The following ENTREP2 variants were observed in gnomAD, a reference collection of about 807,000 sequenced individuals.
The protein encoded by ENTREP2 is protein ENTREP2.
At chr15:29,493,819 A>C in the ENTREP2 span, among the ~76,000 whole-genome samples, 1 of 151,950 alleles carries the variant, frequency 6.6e-6, no homozygotes, top group Non-Finnish European at 1.5e-5. Flanking sequence ...TCTACTAAAA[A>C]TACAAAAAAT....
chr15:29,528,198 G>T, the ENTREP2 span, among the ~76,000 whole-genome samples: 1 of 152,048 alleles, frequency 6.6e-6, no homozygotes, highest in South Asian at 2.1e-4. Context: ...TCATCTGACG[G>T]GGTCAGATCC....
At chr15:29,144,899 AT>A in the ENTREP2 span, among the ~76,000 whole-genome samples, 1 of 152,012 alleles carries the variant, frequency 6.6e-6, no homozygotes, top group African/African-American at 2.4e-5. Flanking sequence ...AAATAAAAAA[AT>A]AAAAAATTAG....
At chr15:29,484,307 A>C in the ENTREP2 span, among the ~76,000 whole-genome samples, 1 of 152,104 alleles carries the variant, frequency 6.6e-6, no homozygotes, top group African/African-American at 2.4e-5. Flanking sequence ...GGTCCCTTTC[A>C]AGATCTTCAA....
the ENTREP2 span, among the ~76,000 whole-genome samples, chr15:29,527,040 G>A: frequency 1.3e-5 from 2 of 152,022 alleles, no homozygotes; most frequent in Non-Finnish European, 2.9e-5. Context: ...GATATTTTCT[G>A]CTTTCAACAT....
the ENTREP2 span, among the ~76,000 whole-genome samples, chr15:29,538,728 G>A: frequency 6.0e-5 from 9 of 150,810 alleles, no homozygotes; most frequent in Non-Finnish European, 8.8e-5. Context: ...AGAATGGTGT[G>A]AACCTGGGAG....
At chr15:29,480,049 T>G in the ENTREP2 span, among the ~76,000 whole-genome samples, 1 of 152,120 alleles carries the variant, frequency 6.6e-6, no homozygotes, top group Admixed American at 6.5e-5. Context: ...CTACGCAAAT[T>G]TGGGCTGCAC....
chr15:29,565,944 G>C, the ENTREP2 span, among the ~76,000 whole-genome samples: 1 of 150,346 alleles, frequency 6.7e-6, no homozygotes, highest in South Asian at 2.1e-4. Flanking sequence ...CTGGGCGATA[G>C]AGCAAGGCTC....
chr15:29,226,287 T>C, the ENTREP2 span, among the ~76,000 whole-genome samples: 2 of 152,216 alleles, frequency 1.3e-5, no homozygotes, highest in Non-Finnish European at 2.9e-5. Context: ...AAAGTTTACT[T>C]TGCTAGGAAA....
the ENTREP2 span, among the ~76,000 whole-genome samples, chr15:29,492,466 G>C: frequency 1.3e-5 from 2 of 152,212 alleles, no homozygotes; most frequent in African/African-American, 4.8e-5. Flanking sequence ...ATTGTAAAAG[G>C]AGAAGTACAT....
chr15:29,489,199 A>G, the ENTREP2 span, among the ~76,000 whole-genome samples: 1 of 152,238 alleles, frequency 6.6e-6, no homozygotes, highest in African/African-American at 2.4e-5. Flanking sequence ...CACAGGCAGT[A>G]GCAGAAGCAG....
At chr15:29,342,237 T>C in the ENTREP2 span, among the ~76,000 whole-genome samples, 1 of 152,096 alleles carries the variant, frequency 6.6e-6, no homozygotes, top group Admixed American at 6.5e-5. Context: ...GCTGGTGGGA[T>C]TTGTATGTGT....
At chr15:29,169,506 G>A in the ENTREP2 span, among the ~76,000 whole-genome samples, 1 of 152,064 alleles carries the variant, frequency 6.6e-6, no homozygotes, top group Non-Finnish European at 1.5e-5. Flanking sequence ...AAAGAAGAGA[G>A]GAAAATTCTT....
chr15:29,573,632 TCTCTCTCTCCCCCC>T, the ENTREP2 span, among the ~76,000 whole-genome samples: 2 of 141,600 alleles, frequency 1.4e-5, no homozygotes, highest in African/African-American at 5.5e-5. Flanking sequence ...CTCTCTCTTC[TCTCTCTCTCCCCCC>T]CTCTCTCTCT....
chr15:29,636,197 C>T, the ENTREP2 span, among the ~76,000 whole-genome samples: 120 of 152,348 alleles, frequency 7.9e-4, no homozygotes, highest in African/African-American at 2.8e-3. Context: ...AAAGCAATCT[C>T]GTCGCGTGTG....
the ENTREP2 span, among the ~76,000 whole-genome samples, chr15:29,253,669 T>C: frequency 1.9e-4 from 29 of 152,172 alleles, no homozygotes; most frequent in Admixed American, 1.2e-3. Flanking sequence ...TCTCGATCTC[T>C]TGACCTCATG....
chr15:29,192,398 C>T, the ENTREP2 span, among the ~76,000 whole-genome samples: 1 of 152,118 alleles, frequency 6.6e-6, no homozygotes, highest in African/African-American at 2.4e-5. Context: ...CCAGATTCTG[C>T]TGAGGATGGA....
At chr15:29,224,374 A>G in the ENTREP2 span, among the ~76,000 whole-genome samples, 8 of 152,082 alleles carry the variant, frequency 5.3e-5, no homozygotes, top group Non-Finnish European at 1.0e-4. Flanking sequence ...AAGCTTCCAC[A>G]CTTGTGGAAG....
the ENTREP2 span, chr15:29,269,148 G>C: frequency 6.2e-7 from 1 of 1,614,156 alleles, no homozygotes; most frequent in Middle Eastern, 1.6e-4. Context: ...CCTTCATAAA[G>C]ATGAGCCCTA....
At chr15:29,500,526 A>G in the ENTREP2 span, among the ~76,000 whole-genome samples, 1 of 152,072 alleles carries the variant, frequency 6.6e-6, no homozygotes, top group Non-Finnish European at 1.5e-5. Flanking sequence ...GAACTTAGAA[A>G]ATACTTTGAG....
Sources: allele counts gnomAD v4.1 joint callset (sites outside exome capture counted in the v4.1 genomes callset), GRCh38; gene constraint gnomAD v4.1.1; transcripts MANE v1.5; gene names NCBI Gene and HGNC (gene_info 2026-07-23, HGNC 2026-07-21).